SORCS1: variants seen among roughly 807,000 people sequenced by gnomAD.
SORCS1 encodes the protein sortilin related VPS10 domain containing receptor 1.
A neutral mutation model predicts 146.1 loss-of-function variants in SORCS1; 60 were observed. The ratio of observed to expected loss-of-function variants is 0.41; its 90% CI spans 0.33 to 0.51. SORCS1 has a LOEUF of 0.51. Among genes scored for constraint, SORCS1 ranks in the 20% least tolerant of loss-of-function variants. The pLI is 0.21. For missense variants in SORCS1, 1,352 were observed against 1,487.6 expected (o/e 0.91, Z 1.50); for synonymous variants, 637 against 584.0 (o/e 1.09, Z -1.31).
the SORCS1 span, among the ~76,000 whole-genome samples, chr10:107,177,226 C>G: frequency 6.6e-6 from 1 of 152,090 alleles, no homozygotes; most frequent in South Asian, 2.1e-4. Flanking sequence ...TTTTAAAACA[C>G]CACATTGTTT....
At chr10:106,720,484 G>A (rs1855705355) in intron 6 of SORCS1, among the ~76,000 whole-genome samples, 1 of 151,006 alleles carries the variant, frequency 6.6e-6, no homozygotes, top group Non-Finnish European at 1.5e-5. Flanking sequence ...GGAATATAAT[G>A]CATGATCCTA....
intron 3 of SORCS1, among the ~76,000 whole-genome samples, chr10:106,813,832 ATCCCTAC>A (rs1462781798): frequency 2.0e-5 from 3 of 152,160 alleles, no homozygotes; most frequent in Non-Finnish European, 4.4e-5. Flanking sequence ...TGTGCCTGTC[ATCCCTAC>A]TTACATTGGA....
intron 1 of SORCS1, among the ~76,000 whole-genome samples, chr10:107,025,677 G>A (rs1958369507): frequency 2.0e-5 from 3 of 152,174 alleles, no homozygotes; most frequent in Admixed American, 6.5e-5. Context: ...ACTTTGACAC[G>A]TTTTAGGAAG....
At chr10:107,003,330 T>C (rs750072355) in intron 1 of SORCS1, among the ~76,000 whole-genome samples, 1 of 152,094 alleles carries the variant, frequency 6.6e-6, no homozygotes, top group Non-Finnish European at 1.5e-5. Context: ...CATATCAGCA[T>C]CCTTCCAATG....
At chr10:106,807,347 T>C (rs893570899) in intron 3 of SORCS1, among the ~76,000 whole-genome samples, 1 of 152,214 alleles carries the variant, frequency 6.6e-6, no homozygotes, top group African/African-American at 2.4e-5. Context: ...TTGAAACTTC[T>C]GTTTAAATGG....
chr10:106,840,866 T>A lies in SORCS1; in HGVS notation c.627-11193A>T, dbSNP rs868483012. 5.8e-3 allele frequency among the ~76,000 whole-genome samples: 770 copies of A among 133,882 alleles called. 22 individuals carry two copies. The highest frequency in any genetic ancestry group is 0.045 in the Admixed American group (609 of 13,582). 87.8% of individuals were successfully genotyped at this position (133,882 alleles called of 152,430 possible). On this transcript the variant is annotated intron_variant, in intron 2 of 25. Transcript: ENST00000263054. The stretch of plus-strand genomic sequence containing the variant: ...TTATATATATATATATATATATATT[T>A]TTTTTTTTTGGATGGAGTCTTGCTC...
At position 106,789,187 on chromosome 10, in the gene SORCS1, G is replaced by A. The variant is rs543062226; in HGVS notation, c.727-12495C>T. Among the ~76,000 whole-genome samples the A allele has an allele frequency of 1.1e-3, 161 of 152,290 alleles. 3 individuals carry two copies. Among genetic ancestry groups the A allele is most frequent in the Admixed American group, 5.2e-4 (8 of 15,296 alleles). On this transcript the variant is annotated intron_variant, in intron 3 of 25. Coordinates refer to ENST00000263054, the MANE Select transcript of SORCS1 (RefSeq NM_052918.5). ...GAGCAGCAGCAGTGCCCTGGGCCCG[G>A]CCCACAAAACCATTTTTCCCTCCTA...
intron 25 of SORCS1, chr10:106,578,948 G>A: frequency 7.0e-7 from 1 of 1,432,118 alleles, no homozygotes; most frequent in Non-Finnish European, 9.1e-7. Context: ...ATCAGAGGAA[G>A]CAGGGAAAAA....
chr10:106,728,014 T>C (rs535668845), intron 6 of SORCS1, among the ~76,000 whole-genome samples: 3 of 150,944 alleles, frequency 2.0e-5, no homozygotes, highest in African/African-American at 7.3e-5. Context: ...CTCTTTATCA[T>C]CAAAGCAATG....
intron 2 of SORCS1, among the ~76,000 whole-genome samples, chr10:106,899,904 T>A (rs529466769): frequency 1.1e-4 from 16 of 152,144 alleles, no homozygotes; most frequent in Admixed American, 1.0e-3. Flanking sequence ...TATTCCATCC[T>A]TTTGCACTCT....
intron 1 of SORCS1, among the ~76,000 whole-genome samples, chr10:107,065,558 C>A (rs1157494769): frequency 3.6e-5 from 5 of 139,454 alleles, no homozygotes; most frequent in Non-Finnish European, 7.5e-5. Flanking sequence ...GGCTCAGTCA[C>A]CCAGGCTAGA....
chr10:106,928,538 T>C (rs971247097), intron 2 of SORCS1, among the ~76,000 whole-genome samples: 1 of 152,002 alleles, frequency 6.6e-6, no homozygotes, highest in Non-Finnish European at 1.5e-5. Flanking sequence ...AGAAAGGGGC[T>C]CCCACAGTGC....
chr10:106,987,056 G>A (rs1398814879), intron 1 of SORCS1, among the ~76,000 whole-genome samples: 2 of 152,174 alleles, frequency 1.3e-5, no homozygotes, highest in Non-Finnish European at 2.9e-5. Flanking sequence ...TACGGATGAT[G>A]TTGCAGGGAA....
At chr10:106,902,211 G>T (rs1267726433) in intron 2 of SORCS1, among the ~76,000 whole-genome samples, 1 of 152,048 alleles carries the variant, frequency 6.6e-6, no homozygotes, top group Non-Finnish European at 1.5e-5. Context: ...TTTTATAATA[G>T]GTTTCTTGAT....
intron 17 of SORCS1, among the ~76,000 whole-genome samples, chr10:106,655,006 G>A (rs978571): frequency 0.98 from 148,499 of 152,162 alleles, 72,554 homozygotes; most frequent in East Asian, 1. Flanking sequence ...ACAGGCATGT[G>A]CCACCACGAA....
chr10:106,574,247 T>C lies in SORCS1; in HGVS notation c.*3173A>G, dbSNP rs1325285896. ...GAATCCAATTAAAAATAAGGCAAGG[T>C]AGAAAGTGTTGCTTGGGTGGTTCAG... On this transcript the variant is annotated 3_prime_UTR_variant, in exon 26 of 26. Coordinates refer to ENST00000263054, the MANE Select transcript of SORCS1 (RefSeq NM_052918.5). 1.3e-5 allele frequency: 2 copies of C among 152,558 alleles called. No individual in the cohort carries two copies. The highest frequency in any genetic ancestry group is 4.8e-5 in the African/African-American group (2 of 41,424). 9.5% of individuals were successfully genotyped at this position (152,558 alleles called of 1,614,324 possible).
chr10:106,769,983 T>C (rs1564951246), intron 4 of SORCS1, among the ~76,000 whole-genome samples: 1 of 151,892 alleles, frequency 6.6e-6, no homozygotes, highest in Non-Finnish European at 1.5e-5. Flanking sequence ...ATCCCAGCTA[T>C]GCGGGAAGCT....
At chr10:106,968,044 G>GGA (rs972739371) in intron 1 of SORCS1, among the ~76,000 whole-genome samples, 9 of 127,902 alleles carry the variant, frequency 7.0e-5, no homozygotes, top group African/African-American at 2.5e-4. Flanking sequence ...CTCTACTAAA[G>GGA]AAAAAAAAAA....
chr10:106,663,730 G>A (rs887257630), intron 17 of SORCS1, among the ~76,000 whole-genome samples: 1 of 152,216 alleles, frequency 6.6e-6, no homozygotes, highest in African/African-American at 2.4e-5. Flanking sequence ...CTGCTAATGT[G>A]AATTCAGTGG....
Sources: allele counts gnomAD v4.1 joint callset (sites outside exome capture counted in the v4.1 genomes callset), GRCh38; gene constraint gnomAD v4.1.1; transcripts MANE v1.5; gene names NCBI Gene and HGNC (gene_info 2026-07-23, HGNC 2026-07-21).